BBOF1: variants seen among roughly 807,000 people sequenced by gnomAD.
BBOF1 encodes the protein basal body-orientation factor 1.
A neutral mutation model predicts 68.0 loss-of-function variants in BBOF1; 62 were observed. The observed-to-expected ratio is 0.91, with a 90% CI of 0.74 to 1.13. The LOEUF (loss-of-function observed/expected upper bound fraction) is 1.13, where lower values mean the gene tolerates loss of function less well. BBOF1 is among the 50% of genes most tolerant of loss of function. The pLI, the probability that BBOF1 is intolerant of heterozygous loss-of-function variation, is 0.00. For synonymous variants in BBOF1, 208 were observed against 198.8 expected, an observed-to-expected ratio of 1.05 and a Z score of -0.39; for missense variants, 534 against 600.1, an observed-to-expected ratio of 0.89 and a Z score of 1.15.
rs2060033848 is a variant in BBOF1, at chr14:74,050,102, C to T, written c.1193C>T (p.Thr398Ile). Reference sequence around the variant, plus strand: ...AATTTAAAAATGAGAGCAGCATGTACAGGAAGAACAGAATATCCCAAAATC... The same window carrying T: ...AATTTAAAAATGAGAGCAGCATGTATAGGAAGAACAGAATATCCCAAAATC... The part of the protein sequence containing the change: ...AFNLKMRAAC[T>I]GRTEYPKIRT... The change falls in exon 8 of 12, where the codon ACA becomes ATA. Residue 398 changes from threonine to isoleucine, a missense_variant. Thr to Ile is a moderately conservative substitution (Grantham distance 89, BLOSUM62 -1). Transcript: ENST00000394009. The T allele has an allele frequency of 6.2e-7, 1 of 1,612,994 alleles. No homozygotes were observed. The highest frequency in any genetic ancestry group is 2.2e-5 in the East Asian group (1 of 44,876).
At chr14:74,068,879 T>G, downstream of BBOF1, 1 of 1,614,090 alleles carries the variant, frequency 6.2e-7, no homozygotes, top group Non-Finnish European at 8.5e-7. Flanking sequence ...TTGAACCCTC[T>G]TGCCATGTCT....
chr14:74,031,516 C>T (rs1181047098), intron 3 of BBOF1, among the ~76,000 whole-genome samples: 1 of 152,112 alleles, frequency 6.6e-6, no homozygotes, highest in Non-Finnish European at 1.5e-5. Context: ...ATACCATAGA[C>T]TGAGGTGCTC....
intron 12 of BBOF1, among the ~76,000 whole-genome samples, chr14:74,082,383 C>T (rs1378258204): frequency 1.4e-5 from 2 of 144,100 alleles, no homozygotes; most frequent in Non-Finnish European, 3.0e-5. Flanking sequence ...TCATGGCTGC[C>T]AAAATCGAGG....
rs1430775563 is a variant in BBOF1, at chr14:74,050,139, T to G, written c.1230T>G (p.Asp410Glu). The G allele has an allele frequency of 6.2e-7, 1 of 1,604,078 alleles. No homozygotes were observed. The highest frequency in any genetic ancestry group is 2.2e-5 in the East Asian group (1 of 44,816). The change falls in exon 8 of 12, where the codon GAT (aspartate) becomes GAG (glutamate). Residue 410 changes from aspartate to glutamate, a missense_variant. By Grantham distance (45) the Asp-to-Glu change is conservative (BLOSUM62 2). Transcript: ENST00000394009. ...AATATCCCAAAATCAGAACATTTGA[T>G]GGCAGAGAGCACAGCACCAATAGTG... Reference protein sequence around the residue: ...RTEYPKIRTFDGREHSTNSVN... With the variant: ...RTEYPKIRTFEGREHSTNSVN...
intron 7 of BBOF1, among the ~76,000 whole-genome samples, chr14:74,048,879 T>C (rs778460988): frequency 6.6e-6 from 1 of 151,910 alleles, no homozygotes; most frequent in Non-Finnish European, 1.5e-5. Context: ...TATATAGTTA[T>C]AGAGAGAGAG....
intron 11 of BBOF1, 65 bp downstream of exon 11, chr14:74,057,323 C>A: frequency 1.2e-6 from 2 of 1,606,396 alleles, no homozygotes; most frequent in Non-Finnish European, 1.7e-6. Flanking sequence ...TCGCTTCTTG[C>A]TAAATCACGG....
chr14:74,025,698 T>C (rs868547919), intron 2 of BBOF1, among the ~76,000 whole-genome samples: 19 of 152,314 alleles, frequency 1.2e-4, no homozygotes, highest in Middle Eastern at 3.4e-3. Flanking sequence ...TCTAAAACAT[T>C]GTACATAGTA....
At chr14:74,064,191 G>A (rs1000851927) in intron 11 of BBOF1, among the ~76,000 whole-genome samples, 18 of 151,528 alleles carry the variant, frequency 1.2e-4, no homozygotes, top group Non-Finnish European at 1.8e-4. Flanking sequence ...CCAGCTATTC[G>A]GGAGGCTGAG....
At position 74,050,071 on chromosome 14, in the gene BBOF1, G is replaced by T; in HGVS notation, c.1162G>T (p.Ala388Ser). ...GCATTATAAGCAGATAGCACAAGCT[G>T]CTTTCAATTTAAAAATGAGAGCAGC... Reference protein sequence around the residue: ...RKHYKQIAQAAFNLKMRAACT... With the variant: ...RKHYKQIAQASFNLKMRAACT... Residue 388 changes from alanine to serine, a missense_variant, in exon 8 of 12, where the codon GCT becomes TCT. Physicochemically the swap from Ala to Ser is moderately conservative, Grantham distance 99. Coordinates refer to ENST00000394009, the MANE Select transcript of BBOF1 (RefSeq NM_025057.3). The T allele has an allele frequency of 6.2e-7, 1 of 1,613,980 alleles. No homozygotes were observed. Among genetic ancestry groups the T allele is most frequent in the African/African-American group, 1.3e-5 (1 of 75,058 alleles).
At position 74,050,190 on chromosome 14, in the gene BBOF1, A is replaced by G. The variant is rs748124229; in HGVS notation, c.1281A>G (p.Glu427=). 7 of 1,536,470 alleles carry G rather than the reference A, an allele frequency of 4.6e-6. No individual in the cohort carries two copies. The highest frequency in any genetic ancestry group is 2.1e-5 in the Admixed American group (1 of 47,752). ...TGAATCAGGATCTTCTGGAGGCCGAAAAATGGTACTAGCAATACTTTATTA... is the reference window on the plus strand; with the variant it reads ...TGAATCAGGATCTTCTGGAGGCCGAGAAATGGTACTAGCAATACTTTATTA... ...NSVNQDLLEA[E]KWTHIEGNVD... Residue 427 remains glutamate (E), a synonymous_variant, in exon 8 of 12, where the codon GAA becomes GAG. Transcript: ENST00000394009.
Position 74,029,396 on chromosome 14 carries a change from A to C in BBOF1, c.351+147A>C, listed in dbSNP as rs889648324. ...AGCTTGATTGTATAGAAATTCAAAAAACCAGGCTGGGCATGATGGCTCATG... is the reference window on the plus strand; with the variant it reads ...AGCTTGATTGTATAGAAATTCAAAACACCAGGCTGGGCATGATGGCTCATG... On this transcript the variant is annotated intron_variant, in intron 3 of 11. Transcript: ENST00000394009. 16 of 544,254 alleles carry C rather than the reference A, an allele frequency of 2.9e-5. No individual in the cohort carries two copies. The African/African-American group carries it at 3.0e-4, about 10-fold the overall frequency. The allele number at this position is 544,254 out of a possible 1,614,324, so 33.7% of individuals were successfully genotyped here. A position where few individuals can be genotyped will look rare whatever the true frequency, so the allele number is the denominator to read the frequency against.
intron 9 of BBOF1, 116 bp from the exon 10 acceptor site, chr14:74,056,790 C>T (rs1254450466): frequency 5.9e-6 from 4 of 682,076 alleles, no homozygotes; most frequent in African/African-American, 1.8e-5. Context: ...ATACGTATAC[C>T]TACTATCACC....
rs538855239 is a variant in BBOF1 at position 74,057,165 on chromosome 14, T to A, written c.1485T>A (p.Asp495Glu). The A allele has an allele frequency of 5.0e-6, 8 of 1,612,836 alleles. No individual in the cohort carries two copies. The South Asian group carries it at 8.8e-5, about 18-fold the overall frequency. The change falls in exon 11 of 12, where the codon GAT (aspartate) becomes GAA (glutamate). Residue 495 changes from aspartate to glutamate, a missense_variant. Coordinates refer to ENST00000394009, the MANE Select transcript of BBOF1 (RefSeq NM_025057.3). ...GCAGGGATGAAAGTAAGCTTCAAGA[T>A]AAAATCTTCATCACCCAGCAAATTG... is the stretch of plus-strand genomic sequence containing the variant. ...KEFGDESKLQ[D>E]KIFITQQIAI...
chr14:74,023,443 A>G (rs1305241271), intron 2 of BBOF1, among the ~76,000 whole-genome samples: 1 of 152,156 alleles, frequency 6.6e-6, no homozygotes, highest in East Asian at 1.9e-4. Context: ...TATGTGATCT[A>G]TATATTTTTT....
At position 74,048,075 on chromosome 14, in the gene BBOF1, G is replaced by T. The variant is rs1230971250; in HGVS notation, c.792+1G>T. ...TCATACTTTACTTTTACATCAAAAG[G>T]TTCCCTCTCATTTAGACTTGGTGTC... On this transcript the variant is annotated splice_donor_variant, in intron 7 of 11. Transcript: ENST00000394009. LOFTEE classifies it high-confidence loss of function. The T allele has an allele frequency of 5.0e-6, 8 of 1,605,796 alleles. No homozygotes were observed. The highest frequency in any genetic ancestry group is 5.9e-6 in the Non-Finnish European group (7 of 1,177,770).
chr14:74,079,858 G>A (rs2060654149), intron 10 of BBOF1, among the ~76,000 whole-genome samples: 1 of 151,992 alleles, frequency 6.6e-6, no homozygotes, highest in African/African-American at 2.4e-5. Flanking sequence ...TGTGAGCCAC[G>A]ACATGTGACC....
intron 2 of BBOF1, among the ~76,000 whole-genome samples, chr14:74,025,619 A>G (rs911591199): frequency 5.9e-5 from 9 of 152,214 alleles, no homozygotes; most frequent in African/African-American, 1.9e-4. Flanking sequence ...TAAATGTCAC[A>G]CCAGTTTTAT....
chr14:74,029,287 A>T, intron 3 of BBOF1, 38 bp downstream of exon 3: 1 of 1,346,052 alleles, frequency 7.4e-7, no homozygotes, highest in South Asian at 1.3e-5. Flanking sequence ...CACTTACTGG[A>T]TGGTCAGGTT....
chr14:74,042,859 CTT>C (rs1023279521), intron 5 of BBOF1, among the ~76,000 whole-genome samples: 46 of 133,278 alleles, frequency 3.5e-4, no homozygotes, highest in South Asian at 1.3e-3. Flanking sequence ...CTCTCTCTCT[CTT>C]ATACACACAC....
Sources: allele counts gnomAD v4.1 joint callset (sites outside exome capture counted in the v4.1 genomes callset), GRCh38; gene constraint gnomAD v4.1.1; transcripts MANE v1.5; gene names NCBI Gene and HGNC (gene_info 2026-07-23, HGNC 2026-07-21).